NEMF: variants seen among roughly 807,000 people sequenced by gnomAD.
NEMF encodes ribosome quality control complex subunit NEMF.
Under a neutral mutation model 162.2 loss-of-function variants are expected in NEMF, and 89 were observed. The ratio of observed to expected loss-of-function variants is 0.55; its 90% CI spans 0.46 to 0.65. The LOEUF (loss-of-function observed/expected upper bound fraction) is 0.65. Among genes scored for constraint, NEMF ranks in the 30% least tolerant of loss-of-function variants. The probability of loss-of-function intolerance (pLI) is 0.00; values close to 1 mark genes in which losing one functional copy is unlikely to be tolerated. For missense variants in NEMF, 1,133 were observed against 1,261.9 expected (o/e 0.90, Z 1.55); for synonymous variants, 421 against 404.5 (o/e 1.04, Z -0.49).
chr14:49,822,155 T>C (rs868754838), intron 16 of NEMF, among the ~76,000 whole-genome samples: 3 of 151,732 alleles, frequency 2.0e-5, no homozygotes, highest in Middle Eastern at 3.2e-3. Flanking sequence ...CTCAAGTACC[T>C]AGGGACACAA....
At chr14:49,787,814 T>C (rs1015242944) in intron 28 of NEMF, among the ~76,000 whole-genome samples, 4 of 152,150 alleles carry the variant, frequency 2.6e-5, no homozygotes, top group Admixed American at 6.5e-5. Flanking sequence ...AGTTTTAGTA[T>C]TACTAAACAA....
At chr14:49,846,670 GC>G (rs917596243) in intron 3 of NEMF, among the ~76,000 whole-genome samples, 6 of 152,256 alleles carry the variant, frequency 3.9e-5, no homozygotes, top group Middle Eastern at 3.4e-3. Context: ...TCACTATGTT[GC>G]CCAGGCTAAT....
chr14:49,790,895 AG>A (rs1474524583), intron 26 of NEMF, among the ~76,000 whole-genome samples: 1 of 152,158 alleles, frequency 6.6e-6, no homozygotes, highest in Non-Finnish European at 1.5e-5. Flanking sequence ...TGGGAGTCTG[AG>A]GTAGGAGAAT....
At chr14:49,848,531 T>C (rs1211633129) in intron 3 of NEMF, among the ~76,000 whole-genome samples, 2 of 152,116 alleles carry the variant, frequency 1.3e-5, no homozygotes, top group African/African-American at 2.4e-5. Context: ...TAAGAAAGAA[T>C]GCTTTCTTCA....
At chr14:49,818,971 T>A (rs1158115135) in intron 16 of NEMF, among the ~76,000 whole-genome samples, 3 of 152,004 alleles carry the variant, frequency 2.0e-5, no homozygotes, top group Non-Finnish European at 4.4e-5. Context: ...TACCCTACCA[T>A]AAAATGTAAA....
At chr14:49,840,154 AC>A (rs1893124289) in intron 5 of NEMF, among the ~76,000 whole-genome samples, 1 of 151,882 alleles carries the variant, frequency 6.6e-6, no homozygotes, top group Non-Finnish European at 1.5e-5. Context: ...GGGGAGTGAG[AC>A]ACCACCTCTA....
chr14:49,814,870 A>G lies in NEMF; in HGVS notation c.1578-13T>C, dbSNP rs748365511. On this transcript the variant is annotated splice_polypyrimidine_tract_variant and intron_variant, in intron 16 of 32. Transcript: ENST00000298310. ...AAATTTCTCAAACCTATCAAAATGA[A>G]AGAAAAAAAGTTAACTTTTCTTTAT... 4.8e-6 allele frequency: 7 copies of G among 1,470,282 alleles called. No individual in the cohort carries two copies. The highest frequency in any genetic ancestry group is 1.4e-5 in the African/African-American group (1 of 69,774). The allele number at this position is 1,470,282 out of a possible 1,614,324, so 91.1% of individuals were successfully genotyped here.
chr14:49,814,188 C>A lies in NEMF; in HGVS notation c.1682-138G>T, dbSNP rs569551933. ...GATTTCAGCTCACTGCAACTTCTGC[C>A]CCCAAGGTTCAGGCAATTCTCCCAC... On this transcript the variant is annotated intron_variant, in intron 17 of 32. Transcript: ENST00000298310. 9.6e-5 allele frequency: 55 copies of A among 575,040 alleles called. No individual in the cohort carries two copies. In the South Asian group the frequency reaches 1.0e-3, roughly 11 times the overall value. The allele number at this position is 575,040 out of a possible 1,614,324, so 35.6% of individuals were successfully genotyped here.
At chr14:49,840,372 G>A (rs1893136924) in intron 5 of NEMF, among the ~76,000 whole-genome samples, 1 of 151,760 alleles carries the variant, frequency 6.6e-6, no homozygotes, top group African/African-American at 2.4e-5. Context: ...TGCGGCAGGA[G>A]AATCGCTTGA....
chr14:49,828,698 T>C lies in NEMF; in HGVS notation c.1342A>G (p.Lys448Glu). The C allele has an allele frequency of 1.2e-6, 2 of 1,607,402 alleles. No individual in the cohort carries two copies. The highest frequency in any genetic ancestry group is 8.5e-7 in the Non-Finnish European group (1 of 1,178,266). Reference protein sequence around the residue: ...PKGKKKKQKNKQLQKPQKNKP... With the variant: ...PKGKKKKQKNEQLQKPQKNKP... ...TTTTTCTGAGGCTTCTGCAGCTGTT[T>C]ATTCTTTTGTTTTTTCTTTTTTCCT... The change falls in exon 14 of 33, where the codon AAA becomes GAA. Residue 448 changes from lysine to glutamate, a missense_variant. Physicochemically the swap from Lys to Glu is moderately conservative, Grantham distance 56. This residue lies in a region of NEMF where 582 missense variants were observed against 631.5 expected (regional missense o/e 0.92). Transcript: ENST00000298310.
At chr14:49,831,058 C>T (rs1892609573) in intron 11 of NEMF, among the ~76,000 whole-genome samples, 1 of 152,160 alleles carries the variant, frequency 6.6e-6, no homozygotes, top group African/African-American at 2.4e-5. Context: ...ACGTTCCCAC[C>T]GTATTTTCCT....
At chr14:49,787,000 AG>A in intron 28 of NEMF, 2 of 431,576 alleles carry the variant, frequency 4.6e-6, no homozygotes, top group South Asian at 4.2e-5. Context: ...TCTGAAGTAG[AG>A]GAGGTGGGAA....
Position 49,851,668 on chromosome 14 carries a change from G to A in NEMF, c.129-3C>T. 6.2e-7 allele frequency: 1 copy of A among 1,612,282 alleles called. No individual in the cohort carries two copies. ...AAAGTGTAGCTTTAAAGTCCGGTCT[G>A]TAGAAGAAAAAAGTCGAATTTTTCT... On this transcript the variant is annotated splice_region_variant and splice_polypyrimidine_tract_variant and intron_variant, in intron 2 of 32. Transcript: ENST00000298310.
chr14:49,831,034 A>T (rs1892607853), intron 11 of NEMF, among the ~76,000 whole-genome samples: 1 of 152,236 alleles, frequency 6.6e-6, no homozygotes, highest in Non-Finnish European at 1.5e-5. Context: ...ATTAAGGTGT[A>T]AATAACAGGC....
At chr14:49,816,224 T>C (rs1164400694) in intron 16 of NEMF, among the ~76,000 whole-genome samples, 1 of 152,196 alleles carries the variant, frequency 6.6e-6, no homozygotes, top group African/African-American at 2.4e-5. Context: ...TTCATGGACA[T>C]TTACCAGTTC....
intron 16 of NEMF, among the ~76,000 whole-genome samples, chr14:49,817,263 T>G (rs1414317312): frequency 6.6e-6 from 1 of 152,022 alleles, no homozygotes; most frequent in Admixed American, 6.6e-5. Flanking sequence ...GCCAACATGA[T>G]GAAACCTCAT....
chr14:49,813,328 A>G (rs747129462), intron 18 of NEMF, among the ~76,000 whole-genome samples: 7 of 152,060 alleles, frequency 4.6e-5, no homozygotes, highest in African/African-American at 1.2e-4. Flanking sequence ...CAAAATATAA[A>G]AACACTCTGG....
At chr14:49,852,562 A>G (rs920052094) in intron 1 of NEMF, 133 bp downstream of exon 1, 1 of 936,092 alleles carries the variant, frequency 1.1e-6, no homozygotes, top group African/African-American at 1.6e-5. Context: ...ACGCCTGCCC[A>G]CTCAGGCCTA....
chr14:49,826,667 A>G (rs1378838914), intron 15 of NEMF, among the ~76,000 whole-genome samples: 1 of 152,206 alleles, frequency 6.6e-6, no homozygotes, highest in Non-Finnish European at 1.5e-5. Flanking sequence ...AACAGCTATT[A>G]AAGTGCCTAC....
Sources: allele counts gnomAD v4.1 joint callset (sites outside exome capture counted in the v4.1 genomes callset), GRCh38; gene constraint gnomAD v4.1.1; regional missense constraint gnomAD v4.1.1; transcripts MANE v1.5; gene names NCBI Gene and HGNC (gene_info 2026-07-23, HGNC 2026-07-21).